CSNK2A1: variants seen among roughly 807,000 people sequenced by gnomAD.
CSNK2A1 encodes casein kinase 2 alpha 1, also known as casein kinase II subunit alpha.
In CSNK2A1, 10 loss-of-function variants were observed where a neutral mutation model predicts 62.9. That is an observed-to-expected ratio of 0.16 (90% CI 0.10 to 0.27). CSNK2A1 has a LOEUF of 0.27. Among genes scored for constraint, CSNK2A1 ranks in the 10% least tolerant of loss-of-function variants. The pLI is 1.00. For missense variants in CSNK2A1, 160 were observed against 492.0 expected, an observed-to-expected ratio of 0.33 and a Z score of 6.38; for synonymous variants, 124 against 167.8, an observed-to-expected ratio of 0.74 and a Z score of 2.02.
intron 2 of CSNK2A1, among the ~76,000 whole-genome samples, 152 bp downstream of exon 2, chr20:527,781 C>T (rs1037209341): frequency 6.6e-6 from 1 of 152,094 alleles, no homozygotes; most frequent in South Asian, 2.1e-4. Flanking sequence ...TCAGGTGATC[C>T]AACTGTTTCA....
At chr20:524,684 G>A (rs1411535261) in intron 2 of CSNK2A1, among the ~76,000 whole-genome samples, 1 of 122,892 alleles carries the variant, frequency 8.1e-6, no homozygotes, top group Admixed American at 1.1e-4. Context: ...GGGCACTCCA[G>A]CATGGGTGAC....
intron 1 of CSNK2A1, among the ~76,000 whole-genome samples, chr20:537,538 C>G (rs2019360863): frequency 1.3e-5 from 2 of 151,934 alleles, no homozygotes; most frequent in South Asian, 4.2e-4. Flanking sequence ...CGTAAGAAAA[C>G]TACCAATTGT....
rs910896409 is a variant in CSNK2A1 at position 477,027 on chromosome 20, A to G, written c.*6934T>C. The G allele has an allele frequency of 3.9e-5, 6 of 152,360 alleles. No individual in the cohort carries two copies. Among genetic ancestry groups the G allele is most frequent in the African/African-American group, 1.2e-4 (5 of 41,334 alleles). The allele number at this position is 152,360 out of a possible 1,614,324, so 9.4% of individuals were successfully genotyped here. On this transcript the variant is annotated 3_prime_UTR_variant, in exon 14 of 14. Coordinates refer to ENST00000217244, the MANE Select transcript of CSNK2A1 (RefSeq NM_177559.3). The stretch of plus-strand genomic sequence containing the variant: ...TGCCTCAGCCTCCAGAGTAGCTAGC[A>G]CTACAGGCATGTGCCACCACATCCA...
chr20:517,217 C>G (rs1467635753), intron 2 of CSNK2A1, among the ~76,000 whole-genome samples: 1 of 152,226 alleles, frequency 6.6e-6, no homozygotes, highest in Non-Finnish European at 1.5e-5. Flanking sequence ...AAAAGGGGCA[C>G]TGATTAGAAG....
Position 480,819 on chromosome 20 carries a change from G to C in CSNK2A1, c.*3142C>G, listed in dbSNP as rs1385864474. The C allele has an allele frequency of 6.6e-6, 1 of 152,194 alleles. No individual in the cohort carries two copies. Among genetic ancestry groups the C allele is most frequent in the African/African-American group, 2.4e-5 (1 of 41,454 alleles). The allele number at this position is 152,194 out of a possible 1,614,324, so 9.4% of individuals were successfully genotyped here. ...TAATTATAACCATACTTGTCAAAAG[G>C]TGAAGCAAAGATGAAAGTTAAAAAC... is the stretch of plus-strand genomic sequence containing the variant. On this transcript the variant is annotated 3_prime_UTR_variant, in exon 14 of 14. Coordinates refer to ENST00000217244, the MANE Select transcript of CSNK2A1 (RefSeq NM_177559.3).
intron 7 of CSNK2A1, chr20:496,481 T>C (rs1362479516): frequency 1.3e-5 from 2 of 152,248 alleles, no homozygotes; most frequent in African/African-American, 4.8e-5. Flanking sequence ...AGTAGTATAA[T>C]CTTTGGGGTT....
intron 2 of CSNK2A1, among the ~76,000 whole-genome samples, chr20:522,356 T>C (rs1161118660): frequency 1.3e-5 from 2 of 152,228 alleles, no homozygotes; most frequent in African/African-American, 4.8e-5. Flanking sequence ...TGACATCATA[T>C]GCCCCTGATA....
At chr20:484,518 G>GA (rs1449859360) in intron 13 of CSNK2A1, among the ~76,000 whole-genome samples, 1 of 152,186 alleles carries the variant, frequency 6.6e-6, no homozygotes, top group East Asian at 1.9e-4. Context: ...CTACCATACT[G>GA]AACAGCACAT....
rs149587795 is a variant in CSNK2A1, at chr20:534,125, T to C, written c.-226-6076A>G. ...CTTACAAACCAGGCACAGTATCAGA[T>C]GCATATTCTGATTTTAGAAATAAAC... On this transcript the variant is annotated intron_variant, in intron 1 of 13. Transcript: ENST00000217244. Among the ~76,000 whole-genome samples, 87 of 152,334 alleles carry C rather than the reference T, an allele frequency of 5.7e-4. No homozygotes were observed. In the East Asian group the frequency reaches 0.013, roughly 24 times the overall value.
intron 3 of CSNK2A1, chr20:506,166 G>A (rs12480604): frequency 0.029 from 4,477 of 152,328 alleles, 89 homozygotes; most frequent in South Asian, 0.11. Flanking sequence ...GTGAGCCACC[G>A]CACCCGGCCG....
intron 2 of CSNK2A1, among the ~76,000 whole-genome samples, chr20:521,288 C>A (rs1156729381): frequency 1.3e-5 from 2 of 152,082 alleles, no homozygotes; most frequent in Admixed American, 6.5e-5. Flanking sequence ...AGAAGATATA[C>A]ACATAAGTAT....
chr20:521,468 T>C (rs1237338538), intron 2 of CSNK2A1, among the ~76,000 whole-genome samples: 1 of 152,216 alleles, frequency 6.6e-6, no homozygotes, highest in African/African-American at 2.4e-5. Context: ...CTGGTAGGAA[T>C]GCAAAATGGT....
chr20:478,861 A>G lies in CSNK2A1; in HGVS notation c.*5100T>C. The G allele has an allele frequency of 3.8e-6, 1 of 262,266 alleles. No individual in the cohort carries two copies. Among genetic ancestry groups the G allele is most frequent in the Non-Finnish European group, 7.7e-6 (1 of 130,716 alleles). 16.2% of individuals were successfully genotyped at this position (262,266 alleles called of 1,614,324 possible). ...AGGATCACCTGAGCCTGGGAGGTTG[A>G]GGCTGCAGTGAGCTGTGATGGCGCT... On this transcript the variant is annotated 3_prime_UTR_variant, in exon 14 of 14. Transcript: ENST00000217244.
At chr20:527,699 C>T (rs2122632163) in intron 2 of CSNK2A1, among the ~76,000 whole-genome samples, 1 of 151,502 alleles carries the variant, frequency 6.6e-6, no homozygotes, top group South Asian at 2.2e-4. Context: ...AGTACTTGGA[C>T]TTTGATTTAT....
At chr20:535,620 G>A (rs930074343) in intron 1 of CSNK2A1, among the ~76,000 whole-genome samples, 1 of 152,014 alleles carries the variant, frequency 6.6e-6, no homozygotes. Context: ...GCCCGGTGGG[G>A]TGGCATGCAC....
intron 4 of CSNK2A1, 85 bp downstream of exon 4, chr20:505,033 T>C (rs2018545960): frequency 4.9e-6 from 6 of 1,224,132 alleles, no homozygotes; most frequent in Middle Eastern, 2.9e-4. Context: ...CCAAAAACCT[T>C]TTAAATGCTG....
Position 475,453 on chromosome 20 carries a change from T to G in CSNK2A1, c.*8508A>C, listed in dbSNP as rs1224488547. 7.9e-6 allele frequency: 1 copy of G among 127,002 alleles called. No individual in the cohort carries two copies. The highest frequency in any genetic ancestry group is 3.4e-5 in the African/African-American group (1 of 29,352). The allele number at this position is 127,002 out of a possible 1,614,324, so 7.9% of individuals were successfully genotyped here. A position where few individuals can be genotyped will look rare whatever the true frequency, so the allele number is the denominator to read the frequency against. Reference sequence around the variant, plus strand: ...CCAGCCTGGGTGACAGAGTTAAGACTCTGACTCAAAAAAAAAAAAAAAAAG... The same window carrying G: ...CCAGCCTGGGTGACAGAGTTAAGACGCTGACTCAAAAAAAAAAAAAAAAAG... On this transcript the variant is annotated 3_prime_UTR_variant, in exon 14 of 14. Transcript: ENST00000217244.
At chr20:505,511 C>T (rs553888566) in intron 3 of CSNK2A1, among the ~76,000 whole-genome samples, 3 of 151,800 alleles carry the variant, frequency 2.0e-5, no homozygotes, top group East Asian at 1.9e-4. Flanking sequence ...AGGCGCCTGC[C>T]ACCATGCCCG....
rs549055659 is a variant in CSNK2A1, at chr20:488,995, C to A, written c.724-217G>T. ...CTCTTGAAATGTCACCCTGGTGAAC[C>A]CTTATTTTTCTCCCCTCAAAACCCA... On this transcript the variant is annotated intron_variant, in intron 10 of 13. Transcript: ENST00000217244. The A allele has an allele frequency of 7.3e-6, 3 of 413,582 alleles. No homozygotes were observed. In the Admixed American group the frequency reaches 1.3e-4, roughly 18 times the overall value. 25.6% of individuals were successfully genotyped at this position (413,582 alleles called of 1,614,324 possible).
Sources: gnomAD v4.1 joint callset for allele counts (sites outside exome capture counted in the v4.1 genomes callset) on GRCh38, gnomAD v4.1.1 for gene constraint, MANE v1.5 for transcripts, NCBI Gene and HGNC (gene_info 2026-07-23, HGNC 2026-07-21) for gene names.